SLC4A10: variants seen among roughly 807,000 people sequenced by gnomAD.
The protein encoded by SLC4A10 is solute carrier family 4 member 10.
A neutral mutation model predicts 137.7 loss-of-function variants in SLC4A10; 42 were observed. The ratio of observed to expected loss-of-function variants is 0.30; its 90% CI spans 0.24 to 0.39. The LOEUF is 0.39. SLC4A10 is among the 10% of genes least tolerant of loss of function. The pLI, the probability that SLC4A10 is intolerant of heterozygous loss-of-function variation, is 1.00. For missense variants in SLC4A10, 925 were observed against 1,355.0 expected (o/e 0.68, Z 4.98); for synonymous variants, 474 against 464.1 (o/e 1.02, Z -0.27).
intron 1 of SLC4A10, among the ~76,000 whole-genome samples, chr2:161,706,722 C>G (rs557478431): frequency 2.0e-5 from 3 of 151,568 alleles, no homozygotes; most frequent in Non-Finnish European, 1.5e-5. Context: ...CTCATCTCTT[C>G]CCTCTGTTCT....
In SLC4A10 at chr2:161,632,786, T is replaced by C. The variant is rs975125057; in HGVS notation, c.48+8220T>C. Among the ~76,000 whole-genome samples the C allele has an allele frequency of 2.6e-5, 4 of 151,612 alleles. No homozygotes were observed. In the East Asian group the frequency reaches 7.7e-4, roughly 29 times the overall value. ...TAAAAAAACCTCTAGGTGATTCTTATGTACATTAAAGCTTGAGAATTTTTG... is the reference window on the plus strand; with the variant it reads ...TAAAAAAACCTCTAGGTGATTCTTACGTACATTAAAGCTTGAGAATTTTTG... On this transcript the variant is annotated intron_variant, in intron 1 of 26. Coordinates refer to ENST00000446997, the MANE Select transcript of SLC4A10 (RefSeq NM_001178015.2).
intron 26 of SLC4A10, among the ~76,000 whole-genome samples, chr2:161,979,689 A>T (rs1699938848): frequency 1.3e-5 from 2 of 152,168 alleles, no homozygotes. Flanking sequence ...AAGCATCATG[A>T]CCAGGAACTG....
intron 1 of SLC4A10, among the ~76,000 whole-genome samples, chr2:161,717,545 A>T (rs576666808): frequency 1.3e-5 from 2 of 152,188 alleles, no homozygotes; most frequent in Non-Finnish European, 2.9e-5. Flanking sequence ...ATCTAATGAG[A>T]TAATCACGTG....
At chr2:161,774,755 C>T (rs1040883963) in intron 2 of SLC4A10, among the ~76,000 whole-genome samples, 4 of 151,858 alleles carry the variant, frequency 2.6e-5, no homozygotes, top group African/African-American at 9.7e-5. Context: ...ACTGCAATTG[C>T]ACCATAATTT....
intron 1 of SLC4A10, among the ~76,000 whole-genome samples, chr2:161,654,951 G>A (rs1225251953): frequency 6.6e-6 from 1 of 151,964 alleles, no homozygotes; most frequent in African/African-American, 2.4e-5. Context: ...TTGAATCTGT[G>A]GGTGGTTTTG....
chr2:161,659,108 G>T (rs1437018112), intron 1 of SLC4A10, among the ~76,000 whole-genome samples: 1 of 152,088 alleles, frequency 6.6e-6, no homozygotes, highest in Non-Finnish European at 1.5e-5. Flanking sequence ...TCATTCATGT[G>T]TTTATTACAG....
intron 1 of SLC4A10, among the ~76,000 whole-genome samples, chr2:161,653,814 G>T (rs756802847): frequency 6.6e-6 from 1 of 152,080 alleles, no homozygotes; most frequent in Non-Finnish European, 1.5e-5. Context: ...GATTGATTCC[G>T]CATCATGGAT....
intron 1 of SLC4A10, among the ~76,000 whole-genome samples, chr2:161,768,425 T>C (rs1242628898): frequency 1.3e-5 from 2 of 152,040 alleles, no homozygotes; most frequent in African/African-American, 4.8e-5. Flanking sequence ...TAAAAGATGG[T>C]AGGTCTCTTT....
chr2:161,974,331 T>G lies in SLC4A10; in HGVS notation c.3227+15T>G. ...GGGCACTATAGGTAAGACATAAATTTAAAAACACATCAATTAAAGTAATGA... is the reference window on the plus strand; with the variant it reads ...GGGCACTATAGGTAAGACATAAATTGAAAAACACATCAATTAAAGTAATGA... On this transcript the variant is annotated intron_variant, in intron 24 of 26. Transcript: ENST00000446997. 2 of 1,581,214 alleles carry G rather than the reference T, an allele frequency of 1.3e-6. No homozygotes were observed. Among genetic ancestry groups the G allele is most frequent in the South Asian group, 2.3e-5 (2 of 85,846 alleles).
chr2:161,730,250 T>C (rs986099033), intron 1 of SLC4A10, among the ~76,000 whole-genome samples: 3 of 152,164 alleles, frequency 2.0e-5, no homozygotes, highest in Non-Finnish European at 4.4e-5. Context: ...GGACTAACAG[T>C]ATTATCTTCA....
At chr2:161,693,455 C>A (rs145623635) in intron 1 of SLC4A10, among the ~76,000 whole-genome samples, 182 of 152,060 alleles carry the variant, frequency 1.2e-3, no homozygotes, top group African/African-American at 4.0e-3. Context: ...AACCTGTGGG[C>A]CAACTGTGCT....
At chr2:161,896,986 A>G (rs1263698367) in intron 11 of SLC4A10, among the ~76,000 whole-genome samples, 2 of 152,102 alleles carry the variant, frequency 1.3e-5, no homozygotes, top group African/African-American at 4.8e-5. Flanking sequence ...ATTGGCAAGC[A>G]TTAGGAAAAT....
At chr2:161,719,703 T>G (rs575378565) in intron 1 of SLC4A10, among the ~76,000 whole-genome samples, 1 of 152,350 alleles carries the variant, frequency 6.6e-6, no homozygotes, top group Non-Finnish European at 1.5e-5. Context: ...ATGTCTTCTT[T>G]TGAGAAATGT....
intron 1 of SLC4A10, among the ~76,000 whole-genome samples, chr2:161,684,495 G>C (rs950529286): frequency 1.3e-5 from 2 of 152,120 alleles, no homozygotes; most frequent in African/African-American, 4.8e-5. Context: ...TTTGCATATT[G>C]GGAGAAGAGC....
intron 10 of SLC4A10, among the ~76,000 whole-genome samples, chr2:161,893,991 A>C (rs2063188342): frequency 6.6e-6 from 1 of 152,008 alleles, no homozygotes; most frequent in Non-Finnish European, 1.5e-5. Flanking sequence ...TGAGGAGCCT[A>C]CTCAATGCAT....
At chr2:161,753,299 C>G (rs1163330729) in intron 1 of SLC4A10, among the ~76,000 whole-genome samples, 1 of 152,120 alleles carries the variant, frequency 6.6e-6, no homozygotes, top group African/African-American at 2.4e-5. Context: ...AGCAATTAAG[C>G]TAAACTTTTT....
intron 1 of SLC4A10, among the ~76,000 whole-genome samples, chr2:161,767,129 ATATATATATATGTG>A (rs2050925985): frequency 1.2e-5 from 1 of 84,498 alleles, no homozygotes; most frequent in African/African-American, 5.3e-5. Context: ...ATATATATAT[ATATATATATATGTG>A]TGTGTGTGTG....
intron 26 of SLC4A10, among the ~76,000 whole-genome samples, chr2:161,979,888 A>T (rs543082694): frequency 6.6e-6 from 1 of 152,206 alleles, no homozygotes; most frequent in South Asian, 2.1e-4. Context: ...TTGAATAGAA[A>T]TTATATTTTC....
intron 1 of SLC4A10, among the ~76,000 whole-genome samples, chr2:161,743,890 A>G (rs1266997317): frequency 6.6e-6 from 1 of 151,908 alleles, no homozygotes; most frequent in Non-Finnish European, 1.5e-5. Flanking sequence ...TTTTATTTGT[A>G]GCTATTTTAA....
Sources: allele counts gnomAD v4.1 joint callset (sites outside exome capture counted in the v4.1 genomes callset), GRCh38; gene constraint gnomAD v4.1.1; transcripts MANE v1.5; gene names NCBI Gene and HGNC (gene_info 2026-07-23, HGNC 2026-07-21).